The following YAF2 variants were observed in gnomAD, a reference collection of about 807,000 sequenced individuals.
YAF2 encodes YY1-associated factor 2.
A neutral mutation model predicts 20.1 loss-of-function variants in YAF2; 7 were observed. The ratio of observed to expected loss-of-function variants is 0.35; its 90% CI spans 0.20 to 0.65. The LOEUF (loss-of-function observed/expected upper bound fraction) is 0.65. YAF2 is among the 30% of genes least tolerant of loss of function. YAF2 has a pLI of 0.69. For synonymous variants in YAF2, 74 were observed against 76.0 expected (o/e 0.97, Z 0.14); for missense variants, 151 against 219.2 (o/e 0.69, Z 1.96).
At chr12:42,160,865 C>T (rs2065784154) in intron 3 of YAF2, 39 bp from the exon 4 acceptor site, 8 of 1,530,574 alleles carry the variant, frequency 5.2e-6, no homozygotes, top group Non-Finnish European at 7.1e-6. Context: ...TAGCTTTTCC[C>T]TCTACCAAAT....
At chr12:42,184,415 T>C (rs1424382056) in intron 2 of YAF2, among the ~76,000 whole-genome samples, 2 of 152,184 alleles carry the variant, frequency 1.3e-5, no homozygotes, top group Non-Finnish European at 2.9e-5. Context: ...GTTCAAGCGA[T>C]TCTCCTGCCT....
Position 42,227,726 on chromosome 12 carries a change from C to T in YAF2, c.152+9873G>A, listed in dbSNP as rs959401005. Among the ~76,000 whole-genome samples the T allele has an allele frequency of 3.0e-4, 46 of 151,048 alleles. 1 individual carries two copies. The highest frequency in any genetic ancestry group is 1.1e-3 in the African/African-American group (46 of 41,010). ...AGTGAGGAGCGTCTCCGCCCGGCAG[C>T]CACCCCGTCCGGGAGGGAGGTGGGG... On this transcript the variant is annotated intron_variant, in intron 2 of 3. Transcript: ENST00000534854.
chr12:42,233,657 A>G, intron 2 of YAF2: 1 of 623,400 alleles, frequency 1.6e-6, no homozygotes, highest in Non-Finnish European at 2.0e-6. Flanking sequence ...GACCACAGGC[A>G]TGCACCACCA....
At chr12:42,198,880 T>C (rs1421373650) in intron 2 of YAF2, among the ~76,000 whole-genome samples, 2 of 152,210 alleles carry the variant, frequency 1.3e-5, no homozygotes, top group African/African-American at 4.8e-5. Context: ...ATACAGCAAC[T>C]ACATGTGGGT....
intron 2 of YAF2, among the ~76,000 whole-genome samples, chr12:42,229,415 AT>A (rs369952201): frequency 0.39 from 50,348 of 130,692 alleles, 8,960 homozygotes; most frequent in South Asian, 0.53. Context: ...CAATAAAAAA[AT>A]AAATTAAAAA....
At chr12:42,201,681 A>T (rs975262490) in intron 2 of YAF2, among the ~76,000 whole-genome samples, 7 of 152,088 alleles carry the variant, frequency 4.6e-5, no homozygotes, top group Admixed American at 3.3e-4. Flanking sequence ...AAGCAATTCT[A>T]GTACCTCAGG....
At chr12:42,215,017 A>T (rs989259148) in intron 2 of YAF2, among the ~76,000 whole-genome samples, 3 of 152,054 alleles carry the variant, frequency 2.0e-5, no homozygotes, top group African/African-American at 7.2e-5. Flanking sequence ...AAATTAAATA[A>T]ATAAATAAAT....
At chr12:42,233,516 A>C (rs2068042999) in intron 2 of YAF2, 1 of 981,220 alleles carries the variant, frequency 1.0e-6, no homozygotes, top group Non-Finnish European at 1.2e-6. Flanking sequence ...GATGACTCAG[A>C]ATTTTGTTTT....
At chr12:42,206,427 G>A (rs1451987671) in intron 2 of YAF2, among the ~76,000 whole-genome samples, 1 of 151,850 alleles carries the variant, frequency 6.6e-6, no homozygotes, top group African/African-American at 2.4e-5. Flanking sequence ...TGGCCAACAT[G>A]GCAAAACCCC....
intron 2 of YAF2, chr12:42,231,117 T>TGTTTTTC (rs2067971726): frequency 6.6e-6 from 1 of 152,194 alleles, no homozygotes; most frequent in African/African-American, 2.4e-5. Flanking sequence ...TTTTGTTTTT[T>TGTTTTTC]GTTTTTCTTA....
chr12:42,179,643 G>A (rs753922005), intron 2 of YAF2, among the ~76,000 whole-genome samples: 9 of 151,992 alleles, frequency 5.9e-5, no homozygotes, highest in Admixed American at 2.6e-4. Context: ...ATAAAAATGA[G>A]CCAGGCGTGG....
At chr12:42,234,952 C>A (rs2068099638) in intron 2 of YAF2, 1 of 973,924 alleles carries the variant, frequency 1.0e-6, no homozygotes, top group Non-Finnish European at 1.2e-6. Context: ...GATGCCACTG[C>A]AACCCAGCCT....
At chr12:42,235,760 T>C (rs2068130289) in intron 2 of YAF2, 1 of 1,211,368 alleles carries the variant, frequency 8.3e-7, no homozygotes, top group Non-Finnish European at 1.1e-6. Context: ...GATGTACTGG[T>C]AAAAAAAAAA....
At chr12:42,180,126 T>C (rs1012182073) in intron 2 of YAF2, among the ~76,000 whole-genome samples, 1 of 152,232 alleles carries the variant, frequency 6.6e-6, no homozygotes, top group Non-Finnish European at 1.5e-5. Context: ...TAGTAATCCC[T>C]GCCTCCTGGT....
At chr12:42,187,409 C>T (rs1053520811) in intron 2 of YAF2, among the ~76,000 whole-genome samples, 1 of 152,146 alleles carries the variant, frequency 6.6e-6, no homozygotes, top group Non-Finnish European at 1.5e-5. Context: ...ATCCTCCTGC[C>T]TTGGCCTCCC....
At chr12:42,207,293 A>G (rs999141068) in intron 2 of YAF2, among the ~76,000 whole-genome samples, 2 of 152,244 alleles carry the variant, frequency 1.3e-5, no homozygotes, top group Non-Finnish European at 2.9e-5. Flanking sequence ...ACAATCTGTC[A>G]AAGAGCATTT....
chr12:42,209,964 A>G (rs2067159721), intron 2 of YAF2, among the ~76,000 whole-genome samples: 1 of 152,172 alleles, frequency 6.6e-6, no homozygotes, highest in East Asian at 1.9e-4. Flanking sequence ...ATGCCCGGCT[A>G]ATTTTCTATT....
intron 2 of YAF2, among the ~76,000 whole-genome samples, chr12:42,189,386 G>A (rs1209189888): frequency 1.3e-5 from 2 of 152,134 alleles, no homozygotes; most frequent in African/African-American, 2.4e-5. Flanking sequence ...ATTTTTTAAT[G>A]CTACTCTGTT....
At chr12:42,225,189 T>C (rs1030578165) in intron 2 of YAF2, among the ~76,000 whole-genome samples, 2 of 152,262 alleles carry the variant, frequency 1.3e-5, no homozygotes, top group African/African-American at 4.8e-5. Context: ...TCTGTTCATA[T>C]CCTTTGCCCA....
Sources: allele counts gnomAD v4.1 joint callset (sites outside exome capture counted in the v4.1 genomes callset), GRCh38; gene constraint gnomAD v4.1.1; transcripts MANE v1.5; gene names NCBI Gene and HGNC (gene_info 2026-07-23, HGNC 2026-07-21).